CPVL: variants seen among roughly 807,000 people sequenced by gnomAD.
The protein encoded by CPVL is probable serine carboxypeptidase CPVL.
Under a neutral mutation model 63.7 loss-of-function variants are expected in CPVL, and 51 were observed. The ratio of observed to expected loss-of-function variants is 0.80; its 90% confidence interval spans 0.64 to 1.01. The LOEUF is 1.01. CPVL is among the 50% of genes least tolerant of loss of function. The probability of loss-of-function intolerance (pLI) is 0.00; values close to 1 mark genes in which losing one functional copy is unlikely to be tolerated. For missense variants in CPVL, 530 were observed against 573.1 expected, an observed-to-expected ratio of 0.92 and a Z score of 0.77; for synonymous variants, 195 against 206.0, an observed-to-expected ratio of 0.95 and a Z score of 0.46.
At chr7:28,997,351 A>C (rs1048690604) in intron 12 of CPVL, among the ~76,000 whole-genome samples, 1 of 152,224 alleles carries the variant, frequency 6.6e-6, no homozygotes, top group African/African-American at 2.4e-5. Flanking sequence ...CCTTCCTAAG[A>C]GGCTGGGTTC....
chr7:28,995,141 A>AAAC (rs1783946021), downstream of CPVL: 1 of 152,304 alleles, frequency 6.6e-6, no homozygotes, highest in Non-Finnish European at 1.5e-5. Context: ...TGTACACCTC[A>AAAC]AACTCAAAGA....
chr7:29,091,548 G>T (rs573019255), intron 6 of CPVL, among the ~76,000 whole-genome samples: 1 of 152,114 alleles, frequency 6.6e-6, no homozygotes, highest in Non-Finnish European at 1.5e-5. Context: ...GGTGCTGGGG[G>T]GAACACCCCG....
At position 29,167,341 on chromosome 7, in the gene CPVL, A is replaced by G. The variant is rs1796047482; in HGVS notation, c.-11+13949T>C. Among the ~76,000 whole-genome samples, 3 of 152,158 alleles carry G rather than the reference A, an allele frequency of 2.0e-5. 1 individual carries two copies. Among genetic ancestry groups the G allele is most frequent in the South Asian group, 4.1e-4 (2 of 4,828 alleles). On this transcript the variant is annotated intron_variant, in intron 5 of 16. Transcript: ENST00000409850. Reference sequence around the variant, plus strand: ...CAGATGAACATGTATCTGTTCATTCATATTCTATCCTAAATGGTATTTCAT... The same window carrying G: ...CAGATGAACATGTATCTGTTCATTCGTATTCTATCCTAAATGGTATTTCAT...
At chr7:29,126,811 G>A (rs1029765548) in intron 1 of CPVL, 1 of 152,236 alleles carries the variant, frequency 6.6e-6, no homozygotes, top group African/African-American at 2.4e-5. Context: ...GGCCAAGGCG[G>A]GAGGATCCCT....
intron 5 of CPVL, among the ~76,000 whole-genome samples, chr7:29,152,841 C>T (rs1793792009): frequency 6.6e-6 from 1 of 152,310 alleles, no homozygotes; most frequent in African/African-American, 2.4e-5. Flanking sequence ...CCTTGTTATT[C>T]GTGGATTCCA....
intron 1 of CPVL, among the ~76,000 whole-genome samples, chr7:29,189,817 C>G (rs984761912): frequency 6.6e-6 from 1 of 152,130 alleles, no homozygotes; most frequent in Non-Finnish European, 1.5e-5. Flanking sequence ...ATACTCCAGG[C>G]AATACCCCCA....
intron 7 of CPVL, 85 bp downstream of exon 7, chr7:29,086,399 G>T: frequency 2.1e-6 from 2 of 945,788 alleles, no homozygotes; most frequent in South Asian, 1.4e-5. Context: ...TACATATATA[G>T]ATTTTAAATG....
chr7:29,087,069 A>G (rs1218457938), intron 6 of CPVL, among the ~76,000 whole-genome samples: 1 of 152,200 alleles, frequency 6.6e-6, no homozygotes, highest in Non-Finnish European at 1.5e-5. Context: ...AAATGGTCAC[A>G]GATATTGAAA....
At position 29,024,055 on chromosome 7, in the gene CPVL, C is replaced by T. The variant is rs1051240990; in HGVS notation, c.1320+6522G>A. Among the ~76,000 whole-genome samples, 8 of 151,876 alleles carry T rather than the reference C, an allele frequency of 5.3e-5. No individual in the cohort carries two copies. The East Asian group carries it at 5.8e-4, about 11-fold the overall frequency. ...TAATAGTGTTATTAAAGAAGCTTAG[C>T]GAGATACAAGATAACACAGATAAAT... On this transcript the variant is annotated intron_variant, in intron 12 of 12. Transcript: ENST00000265394.
intron 9 of CPVL, among the ~76,000 whole-genome samples, chr7:29,067,299 C>G (rs1783232472): frequency 6.6e-6 from 1 of 152,136 alleles, no homozygotes; most frequent in Non-Finnish European, 1.5e-5. Context: ...AAGAATAATG[C>G]TGCAGAGAGT....
intron 11 of CPVL, among the ~76,000 whole-genome samples, chr7:29,040,220 T>C (rs370113200): frequency 3.7e-4 from 57 of 152,336 alleles, no homozygotes; most frequent in African/African-American, 1.3e-3. Context: ...AGGAGTTCTT[T>C]TGGACTGAAG....
At chr7:29,176,125 A>G (rs181668255) in intron 5 of CPVL, among the ~76,000 whole-genome samples, 167 of 152,038 alleles carry the variant, frequency 1.1e-3, no homozygotes, top group African/African-American at 3.7e-3. Flanking sequence ...GGCGGAGCTT[A>G]CAGTGAGCCA....
At chr7:29,098,456 T>G (rs1299702025) in intron 3 of CPVL, among the ~76,000 whole-genome samples, 2 of 152,218 alleles carry the variant, frequency 1.3e-5, no homozygotes, top group Non-Finnish European at 2.9e-5. Context: ...GGGCTCATTC[T>G]TGAGTGTTAA....
chr7:29,045,910 A>G (rs1024937183), intron 11 of CPVL, among the ~76,000 whole-genome samples: 3 of 152,160 alleles, frequency 2.0e-5, no homozygotes, highest in African/African-American at 7.2e-5. Flanking sequence ...ATAGCCTGGG[A>G]TAAGTAAATA....
At chr7:29,043,753 G>A (rs1789352033) in intron 11 of CPVL, among the ~76,000 whole-genome samples, 1 of 152,164 alleles carries the variant, frequency 6.6e-6, no homozygotes, top group African/African-American at 2.4e-5. Context: ...TGGGTGGTTA[G>A]ACAACTTCTA....
chr7:29,043,478 G>A (rs1189543560), intron 11 of CPVL, among the ~76,000 whole-genome samples: 1 of 152,110 alleles, frequency 6.6e-6, no homozygotes, highest in Non-Finnish European at 1.5e-5. Flanking sequence ...ATGTCAAACA[G>A]GCTTAGAAGG....
At chr7:29,145,171 C>T (rs1792358636) in intron 1 of CPVL, among the ~76,000 whole-genome samples, 1 of 151,806 alleles carries the variant, frequency 6.6e-6, no homozygotes, top group South Asian at 2.1e-4. Context: ...TCCTTTTGGA[C>T]AACTTTCTTA....
intron 1 of CPVL, 190 bp downstream of exon 1, chr7:29,146,239 C>T: frequency 4.7e-6 from 1 of 214,016 alleles, no homozygotes; most frequent in Non-Finnish European, 9.3e-6. Context: ...CAGTACATCC[C>T]CAATGCTCCA....
At chr7:29,004,903 T>TG (rs1785028240) in intron 12 of CPVL, among the ~76,000 whole-genome samples, 1 of 145,616 alleles carries the variant, frequency 6.9e-6, no homozygotes, top group Non-Finnish European at 1.5e-5. Context: ...TTTCTTTTCT[T>TG]TTTTTTTTTT....
Sources: gnomAD v4.1 joint callset for allele counts (sites outside exome capture counted in the v4.1 genomes callset) on GRCh38, gnomAD v4.1.1 for gene constraint, MANE v1.5 for transcripts, NCBI Gene and HGNC (gene_info 2026-07-23, HGNC 2026-07-21) for gene names.